NUDT3: variants seen among roughly 807,000 people sequenced by gnomAD.
NUDT3 encodes the protein nudix hydrolase 3.
NUDT3 carries 9 observed loss-of-function variants against 23.6 expected under a neutral mutation model. That is an observed-to-expected ratio of 0.38 (90% CI 0.23 to 0.66). The LOEUF (loss-of-function observed/expected upper bound fraction) is 0.66. NUDT3 is among the 30% of genes least tolerant of loss of function. The pLI, the probability that NUDT3 is intolerant of heterozygous loss-of-function variation, is 0.52. For missense variants in NUDT3, 172 were observed against 218.5 expected (o/e 0.79, Z 1.34); for synonymous variants, 86 against 82.6 (o/e 1.04, Z -0.22).
rs530178667 is a variant in NUDT3 at position 34,326,915 on chromosome 6, G to T, written c.210+14947C>A. The stretch of plus-strand genomic sequence containing the variant: ...AGGGTCCCGCCCTACGGGGCTTGAC[G>T]GGTGTTCTCCCCGTGTGTGGAGACG... On this transcript the variant is annotated intron_variant, in intron 2 of 4. Coordinates refer to ENST00000607016, the MANE Select transcript of NUDT3 (RefSeq NM_006703.4). Among the ~76,000 whole-genome samples the T allele has an allele frequency of 2.6e-5, 4 of 152,206 alleles. No individual in the cohort carries two copies. In the East Asian group the frequency reaches 5.8e-4, roughly 22 times the overall value.
chr6:34,293,198 G>A (rs1763449608), intron 4 of NUDT3, among the ~76,000 whole-genome samples: 2 of 152,150 alleles, frequency 1.3e-5, no homozygotes, highest in Non-Finnish European at 1.5e-5. Flanking sequence ...GAGAAGCTGC[G>A]ACCACAGGCA....
At chr6:34,322,443 A>T (rs905702002) in intron 2 of NUDT3, among the ~76,000 whole-genome samples, 1 of 151,104 alleles carries the variant, frequency 6.6e-6, no homozygotes, top group Non-Finnish European at 1.5e-5. Flanking sequence ...GTTAGCCAGG[A>T]TGGTCTTGAT....
At chr6:34,354,553 T>G (rs1285607881) in intron 1 of NUDT3, among the ~76,000 whole-genome samples, 1 of 151,656 alleles carries the variant, frequency 6.6e-6, no homozygotes, top group Non-Finnish European at 1.5e-5. Flanking sequence ...TGAAACCCCA[T>G]CTCTACTAAA....
rs1338070061 is a variant in NUDT3, at chr6:34,392,390, C to G, written c.-28G>C. ...TCCGGGCCCGGGTGGGGGTGCGGTG[C>G]GGGTCGCAGGAGTCGAGGGGTGGGG... On this transcript the variant is annotated 5_prime_UTR_variant, in exon 1 of 5. Transcript: ENST00000607016. 6.4e-7 allele frequency: 1 copy of G among 1,573,722 alleles called. No homozygotes were observed. The highest frequency in any genetic ancestry group is 8.6e-7 in the Non-Finnish European group (1 of 1,158,476).
chr6:34,345,131 C>T (rs1367315924), intron 1 of NUDT3, among the ~76,000 whole-genome samples: 1 of 151,880 alleles, frequency 6.6e-6, no homozygotes, highest in Non-Finnish European at 1.5e-5. Context: ...TCACTGCAAT[C>T]TCTGCCTCCC....
At chr6:34,290,341 T>C (rs1763401127) in intron 4 of NUDT3, among the ~76,000 whole-genome samples, 2 of 151,276 alleles carry the variant, frequency 1.3e-5, no homozygotes, top group Non-Finnish European at 2.9e-5. Context: ...CGAGGGATCT[T>C]CCTGCCCCAG....
chr6:34,380,093 T>C (rs1404319139), intron 1 of NUDT3, among the ~76,000 whole-genome samples: 1 of 152,176 alleles, frequency 6.6e-6, no homozygotes, highest in Non-Finnish European at 1.5e-5. Context: ...TTTATTTATT[T>C]ATTTTTTGAG....
chr6:34,310,813 G>A (rs1763759283), intron 2 of NUDT3, among the ~76,000 whole-genome samples: 1 of 152,048 alleles, frequency 6.6e-6, no homozygotes, highest in Non-Finnish European at 1.5e-5. Flanking sequence ...CTAAAACCAA[G>A]TGGGATTTAT....
intron 2 of NUDT3, among the ~76,000 whole-genome samples, chr6:34,322,261 C>T (rs1486248531): frequency 5.2e-4 from 78 of 149,688 alleles, no homozygotes; most frequent in African/African-American, 1.7e-3. Context: ...GATGGAGTTT[C>T]GCTCTGTCGC....
In NUDT3 at chr6:34,287,514, T is replaced by C. The variant is rs987138710; in HGVS notation, c.*1239A>G. The C allele has an allele frequency of 4.6e-5, 7 of 152,344 alleles. No individual in the cohort carries two copies. The highest frequency in any genetic ancestry group is 2.0e-4 in the Admixed American group (3 of 15,306). The allele number at this position is 152,344 out of a possible 1,614,324, so 9.4% of individuals were successfully genotyped here. ...GGACCTTTCATATCCTGGTGGGAGA[T>C]GGGAGACCAATTTAATAGCTCTGAG... On this transcript the variant is annotated 3_prime_UTR_variant, in exon 5 of 5. Transcript: ENST00000607016.
intron 1 of NUDT3, among the ~76,000 whole-genome samples, chr6:34,374,156 CAAAA>C (rs397888346): frequency 5.9e-4 from 38 of 64,708 alleles, no homozygotes; most frequent in East Asian, 1.3e-3. Context: ...GGCTCCCTCT[CAAAA>C]AAAAAAAAAA....
chr6:34,342,289 C>CAAAAAAAAAAA (rs200954440), intron 1 of NUDT3, among the ~76,000 whole-genome samples: 27 of 66,478 alleles, frequency 4.1e-4, no homozygotes, highest in African/African-American at 1.0e-3. Context: ...TAGAAGACTT[C>CAAAAAAAAAAA]AAAAAAAAAA....
intron 2 of NUDT3, among the ~76,000 whole-genome samples, chr6:34,339,816 T>C (rs1764261828): frequency 6.6e-6 from 1 of 152,250 alleles, no homozygotes; most frequent in Admixed American, 6.5e-5. Context: ...AGTAAACATA[T>C]ATTGGCACAT....
intron 2 of NUDT3, among the ~76,000 whole-genome samples, chr6:34,313,770 G>A (rs1027532321): frequency 5.9e-5 from 9 of 151,592 alleles, no homozygotes; most frequent in Non-Finnish European, 1.0e-4. Context: ...AGACCATCCT[G>A]GCTAACACAG....
intron 1 of NUDT3, among the ~76,000 whole-genome samples, chr6:34,346,905 A>G (rs1764379906): frequency 6.6e-6 from 1 of 152,154 alleles, no homozygotes; most frequent in Non-Finnish European, 1.5e-5. Context: ...ACAGGCACAC[A>G]CCACCATGCT....
intron 1 of NUDT3, among the ~76,000 whole-genome samples, chr6:34,363,754 C>A (rs1159511246): frequency 6.6e-6 from 1 of 151,936 alleles, no homozygotes; most frequent in Admixed American, 6.6e-5. Flanking sequence ...TAATCAGTGC[C>A]CAGCAGTAAT....
chr6:34,307,769 A>C (rs1383423751), intron 2 of NUDT3, among the ~76,000 whole-genome samples: 3 of 152,140 alleles, frequency 2.0e-5, no homozygotes, highest in African/African-American at 7.2e-5. Flanking sequence ...AAAGCTATCA[A>C]ACATGGGAGA....
chr6:34,308,429 C>G (rs1241395855), intron 2 of NUDT3, among the ~76,000 whole-genome samples: 7 of 150,146 alleles, frequency 4.7e-5, no homozygotes, highest in African/African-American at 1.7e-4. Context: ...CCACTGCACT[C>G]CAGCCTGGGA....
chr6:34,339,160 G>A (rs1764253117), intron 2 of NUDT3, among the ~76,000 whole-genome samples: 1 of 152,130 alleles, frequency 6.6e-6, no homozygotes, highest in Non-Finnish European at 1.5e-5. Flanking sequence ...AAAACAGATG[G>A]GCCTGCTGCT....
Sources: gnomAD v4.1 joint callset for allele counts (sites outside exome capture counted in the v4.1 genomes callset) on GRCh38, gnomAD v4.1.1 for gene constraint, MANE v1.5 for transcripts, NCBI Gene and HGNC (gene_info 2026-07-23, HGNC 2026-07-21) for gene names.